Variants in ADK observed in about 807,000 individuals in gnomAD.
The protein encoded by ADK is adenosine kinase.
ADK carries 24 observed loss-of-function variants against 44.7 expected under a neutral mutation model. That is an observed-to-expected ratio of 0.54 (90% CI 0.39 to 0.76). The LOEUF is 0.76. Ranked by LOEUF, ADK falls within the 30% of genes least tolerant of loss-of-function variation. The probability of loss-of-function intolerance (pLI) is 0.00; values close to 1 mark genes in which losing one functional copy is unlikely to be tolerated. For synonymous variants in ADK, 128 were observed against 142.6 expected, an observed-to-expected ratio of 0.90 and a Z score of 0.73; for missense variants, 321 against 425.1, an observed-to-expected ratio of 0.76 and a Z score of 2.15.
At chr10:74,492,984 A>G (rs1490098561) in intron 6 of ADK, among the ~76,000 whole-genome samples, 1 of 152,136 alleles carries the variant, frequency 6.6e-6, no homozygotes. Context: ...TAGTTTTGAC[A>G]TCCATTCTTC....
chr10:74,269,312 A>G (rs2132402784), intron 3 of ADK, among the ~76,000 whole-genome samples: 1 of 152,330 alleles, frequency 6.6e-6, no homozygotes, highest in Non-Finnish European at 1.5e-5. Context: ...TAGTGATGGA[A>G]TAGAACTAAT....
chr10:74,638,327 T>C (rs1853691287), intron 9 of ADK, among the ~76,000 whole-genome samples: 1 of 152,132 alleles, frequency 6.6e-6, no homozygotes, highest in African/African-American at 2.4e-5. Context: ...TGCAGAAAGA[T>C]CAATATCTTA....
chr10:74,603,600 T>C (rs1057509554), intron 9 of ADK, among the ~76,000 whole-genome samples: 6 of 152,216 alleles, frequency 3.9e-5, no homozygotes, highest in Non-Finnish European at 7.3e-5. Context: ...ATCCTTGTTA[T>C]GGCTGCATAG....
chr10:74,659,207 G>T (rs1854604443), intron 9 of ADK, among the ~76,000 whole-genome samples: 1 of 152,190 alleles, frequency 6.6e-6, no homozygotes, highest in Admixed American at 6.5e-5. Flanking sequence ...GACAGAGAGA[G>T]ATCCTGTCTC....
intron 3 of ADK, among the ~76,000 whole-genome samples, chr10:74,241,575 G>A (rs572568273): frequency 2.8e-4 from 42 of 152,256 alleles, no homozygotes; most frequent in African/African-American, 9.1e-4. Context: ...TAGTAGAGAC[G>A]GGGTTTCACC....
At chr10:74,666,945 C>T (rs943105707) in intron 9 of ADK, among the ~76,000 whole-genome samples, 19 of 151,462 alleles carry the variant, frequency 1.3e-4, no homozygotes, top group Admixed American at 6.6e-4. Flanking sequence ...ATTCTCGTGC[C>T]TCAGCCTCCC....
chr10:74,196,342 C>A (rs1843151177), intron 1 of ADK, among the ~76,000 whole-genome samples: 2 of 151,866 alleles, frequency 1.3e-5, no homozygotes, highest in Admixed American at 1.3e-4. Flanking sequence ...GAGATGGAGA[C>A]CATCCTGGCC....
At chr10:74,338,551 G>C (rs904240077) in intron 4 of ADK, among the ~76,000 whole-genome samples, 2 of 152,020 alleles carry the variant, frequency 1.3e-5, no homozygotes, top group Admixed American at 1.3e-4. Context: ...TAAACAAACT[G>C]TGATATATCT....
At chr10:74,267,324 A>G (rs960677572) in intron 3 of ADK, among the ~76,000 whole-genome samples, 15 of 152,204 alleles carry the variant, frequency 9.9e-5, no homozygotes, top group Admixed American at 3.9e-4. Context: ...GAGAAGGGCC[A>G]ACTTTTTGGA....
chr10:74,559,587 T>G (rs550619758), intron 7 of ADK, among the ~76,000 whole-genome samples: 1 of 152,294 alleles, frequency 6.6e-6, no homozygotes, highest in East Asian at 1.9e-4. Flanking sequence ...TAAAGGAAAA[T>G]TTAACTTTTG....
At chr10:74,444,046 A>G (rs926444081) in intron 6 of ADK, among the ~76,000 whole-genome samples, 3 of 152,144 alleles carry the variant, frequency 2.0e-5, no homozygotes, top group Non-Finnish European at 4.4e-5. Context: ...ATAGATCACC[A>G]GTTCTATCTC....
intron 9 of ADK, chr10:74,655,619 G>A (rs1854454651): frequency 2.2e-6 from 1 of 445,480 alleles, no homozygotes; most frequent in Non-Finnish European, 4.5e-6. Context: ...ACAAGATGAG[G>A]AGGAGGCCAA....
intron 10 of ADK, among the ~76,000 whole-genome samples, chr10:74,698,998 C>T (rs990936494): frequency 2.2e-4 from 34 of 151,424 alleles, no homozygotes; most frequent in African/African-American, 8.3e-4. Flanking sequence ...AGGTGCATGC[C>T]ACCACGCCCA....
chr10:74,326,023 AG>A (rs1259459707), intron 4 of ADK, among the ~76,000 whole-genome samples: 3 of 151,844 alleles, frequency 2.0e-5, no homozygotes, highest in Non-Finnish European at 2.9e-5. Context: ...TTTAGTAGAG[AG>A]GGGTTTCACC....
chr10:74,702,086 T>C (rs1856438501), intron 10 of ADK, among the ~76,000 whole-genome samples: 1 of 152,160 alleles, frequency 6.6e-6, no homozygotes, highest in African/African-American at 2.4e-5. Context: ...ACAGCTGCAG[T>C]TGGAAAATCA....
intron 10 of ADK, among the ~76,000 whole-genome samples, chr10:74,695,953 C>G (rs12356350): frequency 0.68 from 103,071 of 151,680 alleles, 35,336 homozygotes; most frequent in Middle Eastern, 0.78. Flanking sequence ...CTTTACAATT[C>G]TTAAATTTTT....
At position 74,347,106 on chromosome 10, in the gene ADK, C is replaced by CA. The variant is rs58074760; in HGVS notation, c.273+32397dup. Among the ~76,000 whole-genome samples, 904 of 92,208 alleles carry CA rather than the reference C, an allele frequency of 9.8e-3. 136 individuals carry two copies. The highest frequency in any genetic ancestry group is 0.014 in the East Asian group (31 of 2,184). The allele number at this position is 92,208 out of a possible 152,430, so 60.5% of individuals were successfully genotyped here. A position where few individuals can be genotyped will look rare whatever the true frequency, so the allele number is the denominator to read the frequency against. On this transcript the variant is annotated intron_variant, in intron 4 of 10. Coordinates refer to ENST00000539909, the MANE Select transcript of ADK (RefSeq NM_006721.4). ...TGGGCGACAGAGCGACACTCTGTCT[C>CA]AAAAAAAAAAAAAAAAAAAAAAAAA...
intron 10 of ADK, among the ~76,000 whole-genome samples, chr10:74,696,919 C>T (rs1006379845): frequency 1.3e-5 from 2 of 152,100 alleles, no homozygotes; most frequent in African/African-American, 4.8e-5. Flanking sequence ...GCTGTCTATT[C>T]ACAGTATTCT....
intron 1 of ADK, among the ~76,000 whole-genome samples, chr10:74,157,077 A>C (rs1275523604): frequency 6.6e-6 from 1 of 152,184 alleles, no homozygotes; most frequent in Admixed American, 6.6e-5. Context: ...TGTTGCTTTA[A>C]AAAGCTGTGG....
Sources: gnomAD v4.1 joint callset for allele counts (sites outside exome capture counted in the v4.1 genomes callset) on GRCh38, gnomAD v4.1.1 for gene constraint, MANE v1.5 for transcripts, NCBI Gene and HGNC (gene_info 2026-07-23, HGNC 2026-07-21) for gene names.